FADS2: variants seen among roughly 807,000 people sequenced by gnomAD.
FADS2 encodes the protein fatty acid desaturase 2, also known as acyl-CoA 6-desaturase.
A neutral mutation model predicts 61.2 loss-of-function variants in FADS2; 18 were observed. The observed-to-expected ratio is 0.29, with a 90% CI of 0.20 to 0.44. FADS2 has a LOEUF of 0.44. Among genes scored for constraint, FADS2 ranks in the 20% least tolerant of loss-of-function variants. FADS2 has a pLI of 1.00. For synonymous variants in FADS2, 203 were observed against 223.9 expected, an observed-to-expected ratio of 0.91 and a Z score of 0.83; for missense variants, 322 against 572.7, an observed-to-expected ratio of 0.56 and a Z score of 4.47.
At chr11:61,839,439 C>T (rs1370503002) in intron 2 of FADS2, among the ~76,000 whole-genome samples, 2 of 152,032 alleles carry the variant, frequency 1.3e-5, no homozygotes, top group African/African-American at 4.8e-5. Context: ...TCTCCTGCCT[C>T]AGCCTCCCAT....
chr11:61,820,265 T>C (rs1371943921), intron 1 of FADS2, among the ~76,000 whole-genome samples: 2 of 151,838 alleles, frequency 1.3e-5, no homozygotes, highest in Non-Finnish European at 2.9e-5. Context: ...CTCTTTGTAT[T>C]CCCAGCACCT....
At chr11:61,861,482 CA>C (rs200859636) in intron 7 of FADS2, among the ~76,000 whole-genome samples, 1 of 149,456 alleles carries the variant, frequency 6.7e-6, no homozygotes. Flanking sequence ...ATCCCATCTC[CA>C]AAAAAAAATA....
At chr11:61,831,660 A>G (rs1394813071) in intron 1 of FADS2, among the ~76,000 whole-genome samples, 1 of 152,160 alleles carries the variant, frequency 6.6e-6, no homozygotes, top group African/African-American at 2.4e-5. Context: ...TACAAAACAC[A>G]TTCATATGTA....
chr11:61,856,194 G>C (rs999908578), intron 5 of FADS2: 1 of 152,248 alleles, frequency 6.6e-6, no homozygotes, highest in Non-Finnish European at 1.5e-5. Context: ...ATGGAATTAA[G>C]GGCTCCAGGG....
At chr11:61,860,038 G>A (rs1591180709) in intron 7 of FADS2, among the ~76,000 whole-genome samples, 1 of 152,256 alleles carries the variant, frequency 6.6e-6, no homozygotes. Context: ...ATGGCAGAGT[G>A]GGGACAATGT....
upstream of FADS2, chr11:61,826,550 C>T (rs914410621): frequency 1.0e-5 from 6 of 602,402 alleles, no homozygotes; most frequent in African/African-American, 7.4e-5. Flanking sequence ...GTTCCATTTC[C>T]GTCAACGTTT....
At chr11:61,817,777 T>C (rs980414876) in intron 1 of FADS2, among the ~76,000 whole-genome samples, 3 of 152,230 alleles carry the variant, frequency 2.0e-5, no homozygotes, top group African/African-American at 7.2e-5. Flanking sequence ...TACAAAGCTG[T>C]TGCAGTCCTG....
chr11:61,827,084 A>C (rs1363279251), upstream of FADS2, among the ~76,000 whole-genome samples: 1 of 151,808 alleles, frequency 6.6e-6, no homozygotes, highest in African/African-American at 2.4e-5. This position sits in a 1 kb window ranked among gnomAD's most constrained non-coding sequence, Gnocchi z 4.5. Flanking sequence ...GTTCATCCTT[A>C]CTTCCCACGT....
Position 61,816,507 on chromosome 11 carries a change from C to A in FADS2, c.141+81C>A. On this transcript the variant is annotated intron_variant, in intron 1 of 11. Coordinates refer to the FADS2 transcript ENST00000257261. The surrounding 1 kb of genome is among the most constrained non-coding windows in gnomAD (Gnocchi z 7.0). ...TGCGTAACTCTGTCTCCCCTGCACT[C>A]AGCCTCCGGTCCCGCCCTCTCCTGT... is the stretch of plus-strand genomic sequence containing the variant. 1 of 1,598,834 alleles carries A rather than the reference C, an allele frequency of 6.3e-7. No individual in the cohort carries two copies. The highest frequency in any genetic ancestry group is 2.3e-5 in the East Asian group (1 of 44,424).
rs765850385 is a variant in FADS2, at chr11:61,833,013, G to T, written c.207+4416G>T. The stretch of plus-strand genomic sequence containing the variant: ...AACTGTGAGTTGTACCCAGAGTGGG[G>T]CAGGGGCAGGGAAAATGTCCCTGTG... On this transcript the variant is annotated intron_variant, in intron 1 of 11. Coordinates refer to ENST00000278840, the MANE Select transcript of FADS2 (RefSeq NM_004265.4). Among the ~76,000 whole-genome samples the T allele has an allele frequency of 4.8e-4, 73 of 152,222 alleles. 1 individual carries two copies. The highest frequency in any genetic ancestry group is 8.5e-4 in the Non-Finnish European group (58 of 68,040).
At chr11:61,824,502 G>GAAAAA (rs140558358), upstream of FADS2, among the ~76,000 whole-genome samples, 22 of 21,696 alleles carry the variant, frequency 1.0e-3, 6 homozygotes, top group South Asian at 0.018. Flanking sequence ...AAGAAAGAAA[G>GAAAAA]GAAAGAAAGA....
intron 8 of FADS2, 52 bp downstream of exon 8, chr11:61,863,121 G>A (rs1227877970): frequency 1.3e-6 from 2 of 1,548,860 alleles, no homozygotes; most frequent in African/African-American, 1.4e-5. Context: ...CACTGATGAT[G>A]GCTTTGGCAT....
At chr11:61,819,552 C>CA (rs2067021228) in intron 1 of FADS2, among the ~76,000 whole-genome samples, 1 of 151,860 alleles carries the variant, frequency 6.6e-6, no homozygotes, top group Non-Finnish European at 1.5e-5. Flanking sequence ...TATCCACACA[C>CA]AAAAAAAGAA....
In FADS2 at chr11:61,865,710, C is replaced by A. The variant is rs482548; in HGVS notation, c.*21C>A. 1 of 1,603,332 alleles carries A rather than the reference C, an allele frequency of 6.2e-7. No homozygotes were observed. The highest frequency in any genetic ancestry group is 8.5e-7 in the Non-Finnish European group (1 of 1,173,188). ...AATGAAGCCACAGCCCCCGGGACAC[C>A]GTGGGGAAGGGGTGCAGGTGGGGTG... On this transcript the variant is annotated 3_prime_UTR_variant, in exon 12 of 12. Coordinates refer to ENST00000278840, the MANE Select transcript of FADS2 (RefSeq NM_004265.4). This position sits in a 1 kb window ranked among gnomAD's most constrained non-coding sequence, Gnocchi z 4.1.
In FADS2 at chr11:61,830,858, C is replaced by T. The variant is rs550777853; in HGVS notation, c.207+2261C>T. ...ATGCAATGGGGTGTTATCAGGCAAA[C>T]GGGAATAAGAACAAGTATTATGAAA... On this transcript the variant is annotated intron_variant, in intron 1 of 11. Transcript: ENST00000278840. Among the ~76,000 whole-genome samples, 190 of 152,162 alleles carry T rather than the reference C, an allele frequency of 1.2e-3. 1 individual carries two copies. Among genetic ancestry groups the T allele is most frequent in the South Asian group, 1.5e-3 (7 of 4,824 alleles).
intron 1 of FADS2, among the ~76,000 whole-genome samples, chr11:61,830,772 G>A (rs568395499): frequency 1.3e-5 from 2 of 152,330 alleles, no homozygotes; most frequent in South Asian, 4.1e-4. Flanking sequence ...AGGTACACCT[G>A]TACCTGTTTC....
intron 1 of FADS2, among the ~76,000 whole-genome samples, chr11:61,835,911 A>G (rs2067170447): frequency 6.6e-6 from 1 of 152,204 alleles, no homozygotes; most frequent in African/African-American, 2.4e-5. Context: ...AAAGGAAGAG[A>G]TGCTCTAACA....
rs71046747 is a variant in FADS2, at chr11:61,845,030, CTTTTTTTTTTTTTTTTTT to C, written c.619-3115_619-3098del. Among the ~76,000 whole-genome samples, 22 of 44,122 alleles carry C rather than the reference CTTTTTTTTTTTTTTTTTT, an allele frequency of 5.0e-4. 1 individual carries two copies. The highest frequency in any genetic ancestry group is 2.0e-4 in the Non-Finnish European group (5 of 24,394). 28.9% of individuals were successfully genotyped at this position (44,122 alleles called of 152,430 possible). On this transcript the variant is annotated intron_variant, in intron 4 of 11. Coordinates refer to ENST00000278840, the MANE Select transcript of FADS2 (RefSeq NM_004265.4). ...TGTTTCCATTAAAGCCAGAAGTGCA[CTTTTTTTTTTTTTTTTTT>C]TTTTTTTTTTTTTGCCTCAGGCTCT...
intron 7 of FADS2, among the ~76,000 whole-genome samples, chr11:61,861,536 T>C (rs960821636): frequency 1.3e-5 from 2 of 151,840 alleles, no homozygotes; most frequent in African/African-American, 4.8e-5. Flanking sequence ...TATGTGTAGA[T>C]ACACTGCACA....
Sources: allele counts gnomAD v4.1 joint callset (sites outside exome capture counted in the v4.1 genomes callset), GRCh38; gene constraint gnomAD v4.1.1; non-coding constraint Gnocchi (gnomAD v3.1); transcripts MANE v1.5; gene names NCBI Gene and HGNC (gene_info 2026-07-23, HGNC 2026-07-21).